Variants in CNTNAP2 observed in about 807,000 individuals in gnomAD.
CNTNAP2 encodes contactin associated protein 2.
A neutral mutation model predicts 155.2 loss-of-function variants in CNTNAP2; 98 were observed. The ratio of observed to expected loss-of-function variants is 0.63; its 90% CI spans 0.54 to 0.75. The LOEUF (loss-of-function observed/expected upper bound fraction) is 0.75. CNTNAP2 is among the 30% of genes least tolerant of loss of function. The pLI is 0.00. For missense variants in CNTNAP2, 1,727 were observed against 1,688.1 expected (o/e 1.02, Z -0.40); for synonymous variants, 651 against 631.2 (o/e 1.03, Z -0.47).
At chr7:146,734,045 C>T (rs1022676777) in intron 1 of CNTNAP2, among the ~76,000 whole-genome samples, 3 of 151,990 alleles carry the variant, frequency 2.0e-5, no homozygotes, top group Admixed American at 2.0e-4. Context: ...AACTGGTGTT[C>T]CCTTGCTTAA....
At chr7:146,857,193 G>A (rs1292589487) in intron 3 of CNTNAP2, among the ~76,000 whole-genome samples, 3 of 150,354 alleles carry the variant, frequency 2.0e-5, no homozygotes, top group Non-Finnish European at 3.0e-5. Context: ...TTGGGGTGGT[G>A]GAAAAAGGAG....
At chr7:148,364,925 A>G (rs1323798732) in intron 21 of CNTNAP2, among the ~76,000 whole-genome samples, 2 of 152,156 alleles carry the variant, frequency 1.3e-5, no homozygotes, top group Non-Finnish European at 2.9e-5. Flanking sequence ...CTCACCGCGA[A>G]GGTCTGCAGC....
rs1466267265 is a variant in CNTNAP2 at position 147,774,105 on chromosome 7, C to A, written c.2099-129460C>A. 1.3e-5 allele frequency among the ~76,000 whole-genome samples: 2 copies of A among 152,152 alleles called. 1 individual carries two copies. The highest frequency in any genetic ancestry group is 2.9e-5 in the Non-Finnish European group (2 of 68,032). The stretch of plus-strand genomic sequence containing the variant: ...TCTAAAATTTCGACTCCTCCTGCCA[C>A]AGTAGTTAATAATGCCCTTTTCTGC... On this transcript the variant is annotated intron_variant, in intron 13 of 23. Coordinates refer to ENST00000361727, the MANE Select transcript of CNTNAP2 (RefSeq NM_014141.6).
intron 13 of CNTNAP2, among the ~76,000 whole-genome samples, chr7:147,777,327 T>C (rs1392280380): frequency 6.6e-6 from 1 of 152,214 alleles, no homozygotes; most frequent in Non-Finnish European, 1.5e-5. Flanking sequence ...ACCTTGTCCT[T>C]ATATGGAAAT....
chr7:147,580,579 C>T (rs867760625), intron 12 of CNTNAP2, among the ~76,000 whole-genome samples: 4 of 151,456 alleles, frequency 2.6e-5, no homozygotes, highest in Non-Finnish European at 4.4e-5. Flanking sequence ...CTATTTCCAT[C>T]GGTTTGCAAA....
chr7:147,921,851 G>C (rs2116781601), intron 14 of CNTNAP2, among the ~76,000 whole-genome samples: 1 of 152,308 alleles, frequency 6.6e-6, no homozygotes, highest in South Asian at 2.1e-4. Context: ...ACAAACATGT[G>C]TTGAGTACTT....
intron 1 of CNTNAP2, among the ~76,000 whole-genome samples, chr7:146,356,299 T>A (rs1487921177): frequency 6.6e-6 from 1 of 152,204 alleles, no homozygotes; most frequent in African/African-American, 2.4e-5. Context: ...AACTCTAACC[T>A]TTAAGATGCT....
intron 1 of CNTNAP2, among the ~76,000 whole-genome samples, chr7:146,617,480 A>C (rs1585008785): frequency 6.6e-6 from 1 of 152,036 alleles, no homozygotes; most frequent in Admixed American, 6.5e-5. Context: ...AAATACTTTG[A>C]TTCATAATTC....
chr7:146,560,554 C>T (rs1798265379), intron 1 of CNTNAP2, among the ~76,000 whole-genome samples: 1 of 152,042 alleles, frequency 6.6e-6, no homozygotes, highest in Non-Finnish European at 1.5e-5. Context: ...TTACTATGCA[C>T]AGCTATCAAC....
intron 2 of CNTNAP2, among the ~76,000 whole-genome samples, chr7:146,822,360 T>C (rs756279140): frequency 1.3e-5 from 2 of 151,884 alleles, no homozygotes; most frequent in African/African-American, 4.8e-5. Flanking sequence ...TTAGGAGATA[T>C]ACCTAATGCT....
intron 13 of CNTNAP2, among the ~76,000 whole-genome samples, chr7:147,734,662 G>A (rs1796807000): frequency 6.6e-6 from 1 of 152,056 alleles, no homozygotes; most frequent in Non-Finnish European, 1.5e-5. Context: ...TTTTTTGGTT[G>A]GTAAGCTATT....
At chr7:147,637,721 G>T (rs1319160129) in intron 12 of CNTNAP2, among the ~76,000 whole-genome samples, 1 of 152,056 alleles carries the variant, frequency 6.6e-6, no homozygotes, top group East Asian at 1.9e-4. Context: ...TATAGACTTG[G>T]TCAAATTCAT....
chr7:146,989,129 T>C (rs978201032), intron 3 of CNTNAP2, among the ~76,000 whole-genome samples: 1 of 151,978 alleles, frequency 6.6e-6, no homozygotes, highest in African/African-American at 2.4e-5. Context: ...GGGTCTGAGA[T>C]GGAGATAAGT....
intron 8 of CNTNAP2, among the ~76,000 whole-genome samples, chr7:147,211,330 G>A (rs1232702273): frequency 6.6e-6 from 1 of 151,916 alleles, no homozygotes; most frequent in African/African-American, 2.4e-5. Flanking sequence ...GTTCATATAT[G>A]TTTATGACAG....
chr7:146,362,164 T>A (rs1458962712), intron 1 of CNTNAP2, among the ~76,000 whole-genome samples: 1 of 152,234 alleles, frequency 6.6e-6, no homozygotes, highest in East Asian at 1.9e-4. Context: ...TAAAAACTAC[T>A]TTACTATATG....
At chr7:147,204,297 A>G (rs1165784703) in intron 8 of CNTNAP2, among the ~76,000 whole-genome samples, 8 of 152,140 alleles carry the variant, frequency 5.3e-5, no homozygotes, top group Admixed American at 5.2e-4. Flanking sequence ...AAGTATGTAT[A>G]AAAATGTTGC....
At chr7:148,270,653 G>A (rs1021609321) in intron 21 of CNTNAP2, among the ~76,000 whole-genome samples, 1 of 152,214 alleles carries the variant, frequency 6.6e-6, no homozygotes, top group Non-Finnish European at 1.5e-5. Flanking sequence ...AGGGTGAAAG[G>A]GTATGGATGA....
chr7:148,185,915 G>C (rs73170519), intron 18 of CNTNAP2, among the ~76,000 whole-genome samples: 28 of 152,200 alleles, frequency 1.8e-4, no homozygotes, highest in African/African-American at 5.1e-4. Context: ...ATCTTCTGTG[G>C]CCTCATACAA....
intron 14 of CNTNAP2, among the ~76,000 whole-genome samples, chr7:147,924,618 A>G (rs1800351038): frequency 6.6e-6 from 1 of 152,154 alleles, no homozygotes; most frequent in Non-Finnish European, 1.5e-5. Context: ...TGCAGCCATG[A>G]TACTCCACCT....
Sources: gnomAD v4.1 joint callset for allele counts (sites outside exome capture counted in the v4.1 genomes callset) on GRCh38, gnomAD v4.1.1 for gene constraint, MANE v1.5 for transcripts, NCBI Gene and HGNC (gene_info 2026-07-23, HGNC 2026-07-21) for gene names.